Variants in FRYL observed in about 807,000 individuals in gnomAD.
FRYL encodes the protein FRY like transcription coactivator, also known as protein furry homolog-like.
Under a neutral mutation model 351.2 loss-of-function variants are expected in FRYL, and 150 were observed. The ratio of observed to expected loss-of-function variants is 0.43; its 90% CI spans 0.37 to 0.49. The LOEUF (loss-of-function observed/expected upper bound fraction) is 0.49. Ranked by LOEUF, FRYL falls within the 20% of genes least tolerant of loss-of-function variation. The probability of loss-of-function intolerance (pLI) is 0.00; values close to 1 mark genes in which losing one functional copy is unlikely to be tolerated. For synonymous variants in FRYL, 1,153 were observed against 1,257.1 expected (o/e 0.92, Z 1.75); for missense variants, 3,036 against 3,619.3 (o/e 0.84, Z 4.13).
chr4:48,547,861 T>C, intron 40 of FRYL, 92 bp from the exon 41 acceptor site: 4 of 850,830 alleles, frequency 4.7e-6, no homozygotes, highest in East Asian at 2.8e-5. Context: ...GGAGAAATTA[T>C]ATGAAAGATT....
At chr4:48,572,051 T>C in intron 26 of FRYL, 3 of 932,472 alleles carry the variant, frequency 3.2e-6, no homozygotes, top group Non-Finnish European at 3.8e-6. Context: ...CAGTGCTGAA[T>C]TAAAGGAGAA....
chr4:48,777,905 G>GGCCAA (rs1776197794), intron 1 of FRYL, among the ~76,000 whole-genome samples: 1 of 152,090 alleles, frequency 6.6e-6, no homozygotes, highest in South Asian at 2.1e-4. Context: ...TACTACAAAC[G>GGCCAA]GCCAAGCACG....
chr4:48,590,623 T>C, intron 17 of FRYL, 36 bp downstream of exon 17: 1 of 1,437,428 alleles, frequency 7.0e-7, no homozygotes, highest in Non-Finnish European at 9.6e-7. Flanking sequence ...TATGAAACTG[T>C]ATTACAAAGC....
Position 48,528,307 on chromosome 4 carries a change from A to T in FRYL, c.6933T>A (p.Asp2311Glu). 6.2e-7 allele frequency: 1 copy of T among 1,612,468 alleles called. No homozygotes were observed. Among genetic ancestry groups the T allele is most frequent in the Non-Finnish European group, 8.5e-7 (1 of 1,179,194 alleles). The change falls in exon 51 of 64, where the codon GAT becomes GAA. Residue 2311 changes from aspartate to glutamate, a missense_variant. This residue lies in a region of FRYL where 1,987 missense variants were observed against 2,311.7 expected (regional missense o/e 0.86). Coordinates refer to ENST00000358350, the MANE Select transcript of FRYL (RefSeq NM_015030.2). Reference protein sequence around the residue: ...ETPIIGNKYGDQHSAAGRNGK... With the variant: ...ETPIIGNKYGEQHSAAGRNGK... ...CATTTCTTCCAGCCGCACTGTGCTG[A>T]TCACCATATTTGTTTCCAATAATTG...
intron 2 of FRYL, among the ~76,000 whole-genome samples, chr4:48,708,826 T>C (rs1279492484): frequency 6.6e-6 from 1 of 151,962 alleles, no homozygotes; most frequent in Non-Finnish European, 1.5e-5. Context: ...ACTCTTGGCC[T>C]CAGGTCATCC....
At chr4:48,769,143 AAAT>A (rs1775270335) in intron 1 of FRYL, among the ~76,000 whole-genome samples, 1 of 152,206 alleles carries the variant, frequency 6.6e-6, no homozygotes, top group African/African-American at 2.4e-5. Context: ...CAAAAAAAAT[AAAT>A]AACAGACGGA....
At position 48,623,196 on chromosome 4, in the gene FRYL, C is replaced by A. The variant is rs776579; in HGVS notation, c.121-17G>T. The A allele has an allele frequency of 0.88, 972,372 of 1,110,382 alleles. 417,301 individuals are homozygous for A. Among genetic ancestry groups the A allele is most frequent in the African/African-American group, 0.9 (55,143 of 61,466 alleles). The allele number at this position is 1,110,382 out of a possible 1,614,324, so 68.8% of individuals were successfully genotyped here. A position where few individuals can be genotyped will look rare whatever the true frequency, so the allele number is the denominator to read the frequency against. On this transcript the variant is annotated splice_polypyrimidine_tract_variant and intron_variant, in intron 4 of 63. Transcript: ENST00000358350. ...TAGCTTCTCCTATGATTAAAAAAAA[C>A]AAACATTAAAAATAAAAATAAAGCA... is the stretch of plus-strand genomic sequence containing the variant.
At chr4:48,548,820 G>T (rs201329225) in intron 39 of FRYL, 27 bp from the exon 40 acceptor site, 3 of 1,307,374 alleles carry the variant, frequency 2.3e-6, no homozygotes, top group African/African-American at 3.0e-5. Context: ...TTTCATTAAC[G>T]TTTTACTAGA....
chr4:48,573,124 A>G (rs1456861678), intron 26 of FRYL, 62 bp downstream of exon 26: 2 of 1,249,358 alleles, frequency 1.6e-6, no homozygotes, highest in Admixed American at 1.8e-5. Flanking sequence ...CTTTTGATAT[A>G]ACATGTAAAT....
At chr4:48,758,017 A>G (rs1773980708) in intron 1 of FRYL, among the ~76,000 whole-genome samples, 1 of 152,232 alleles carries the variant, frequency 6.6e-6, no homozygotes, top group Non-Finnish European at 1.5e-5. Context: ...TGGTGCTGGG[A>G]AAACTGGCTA....
Position 48,499,556 on chromosome 4 carries a change from G to A in FRYL, c.8908C>T (p.Leu2970=). 1 of 1,614,100 alleles carries A rather than the reference G, an allele frequency of 6.2e-7. No homozygotes were observed. Among genetic ancestry groups the A allele is most frequent in the South Asian group, 1.1e-5 (1 of 91,084 alleles). ...TTGTAGTTGGCTTCTGACATGTCCA[G>A]GTTAGAGCCTATAACTGCAAAGCTT... ...TGSFAVIGSN[L]DMSEANYKLM... The change falls in exon 64 of 64, where the codon CTG becomes TTG. Residue 2970 remains leucine (L), a synonymous_variant. Transcript: ENST00000358350.
At chr4:48,556,666 T>C (rs908801218) in intron 35 of FRYL, among the ~76,000 whole-genome samples, 3 of 152,228 alleles carry the variant, frequency 2.0e-5, no homozygotes, top group Non-Finnish European at 4.4e-5. Flanking sequence ...AATTTTTTTA[T>C]AGCCTTTATC....
chr4:48,541,965 A>T (rs747297221), intron 45 of FRYL, 62 bp downstream of exon 45: 17 of 1,076,918 alleles, frequency 1.6e-5, no homozygotes, highest in Non-Finnish European at 2.4e-5. Flanking sequence ...TAAAAGTTAT[A>T]GCTATATGTA....
chr4:48,622,097 GCA>G (rs1261755302), intron 5 of FRYL, among the ~76,000 whole-genome samples: 1 of 151,822 alleles, frequency 6.6e-6, no homozygotes, highest in African/African-American at 2.4e-5. Flanking sequence ...TTTATTGTGA[GCA>G]CCCTTACAAA....
rs1741181565 is a variant in FRYL, at chr4:48,582,624, TAAAC to T, written c.1855_1858del (p.Val619IlefsTer7). On this transcript the variant is annotated frameshift_variant, in exon 20 of 64. Transcript: ENST00000358350. LOFTEE classifies it high-confidence loss of function. The stretch of plus-strand genomic sequence containing the variant: ...ATCAGTCACTTCACGAACAATAAAA[TAAAC>T]AAATCCTGAAAGAACATCCTCCCGC... The T allele has an allele frequency of 1.9e-6, 3 of 1,613,864 alleles. No homozygotes were observed. Among genetic ancestry groups the T allele is most frequent in the Non-Finnish European group, 2.5e-6 (3 of 1,179,846 alleles).
At chr4:48,735,968 TAATAAAA>T (rs1771329501) in intron 1 of FRYL, among the ~76,000 whole-genome samples, 1 of 8,016 alleles carries the variant, frequency 1.2e-4, no homozygotes, top group African/African-American at 3.9e-4. Context: ...ACTTAGAGTA[TAATAAAA>T]AAAAAAAAAA....
At chr4:48,744,101 G>A (rs1421188591) in intron 1 of FRYL, among the ~76,000 whole-genome samples, 1 of 152,096 alleles carries the variant, frequency 6.6e-6, no homozygotes, top group Non-Finnish European at 1.5e-5. Flanking sequence ...TACTAAGAAT[G>A]TTAAGAAAGC....
chr4:48,569,255 C>CT (rs1560625224), intron 27 of FRYL, among the ~76,000 whole-genome samples: 1 of 152,166 alleles, frequency 6.6e-6, no homozygotes, highest in Non-Finnish European at 1.5e-5. Flanking sequence ...CTTTTCCTAA[C>CT]TTTAACTCTT....
At chr4:48,734,766 C>A (rs1771118707) in intron 1 of FRYL, among the ~76,000 whole-genome samples, 1 of 152,096 alleles carries the variant, frequency 6.6e-6, no homozygotes, top group Non-Finnish European at 1.5e-5. Flanking sequence ...ATATGGCTAG[C>A]CAGTTTTCCC....
Sources: gnomAD v4.1 joint callset for allele counts (sites outside exome capture counted in the v4.1 genomes callset) on GRCh38, gnomAD v4.1.1 for gene constraint, gnomAD v4.1.1 regional missense constraint, MANE v1.5 for transcripts, NCBI Gene and HGNC (gene_info 2026-07-23, HGNC 2026-07-21) for gene names.